Variants in WASF3 observed in about 807,000 individuals in gnomAD.
The protein encoded by WASF3 is WASP family member 3.
In WASF3, 11 loss-of-function variants were observed where a neutral mutation model predicts 46.6. That is an observed-to-expected ratio of 0.24 (90% CI 0.15 to 0.39). WASF3 has a LOEUF of 0.39. Ranked by LOEUF, WASF3 falls within the 10% of genes least tolerant of loss-of-function variation. The probability of loss-of-function intolerance (pLI) is 1.00; values close to 1 mark genes in which losing one functional copy is unlikely to be tolerated. For synonymous variants in WASF3, 242 were observed against 259.7 expected (o/e 0.93, Z 0.65); for missense variants, 576 against 669.8 (o/e 0.86, Z 1.55).
In WASF3 at chr13:26,599,184, C is replaced by CTTTTTTT. The variant is rs57148941; in HGVS notation, c.-108-13766_-108-13760dup. ...GCCTGCCCTGCTCTTCTTTTCATTT[C>CTTTTTTT]TTTTTTTTTTTTTTTTTGAGACGGA... is the stretch of plus-strand genomic sequence containing the variant. On this transcript the variant is annotated intron_variant, in intron 1 of 9. Transcript: ENST00000335327. Among the ~76,000 whole-genome samples, 29 of 118,294 alleles carry CTTTTTTT rather than the reference C, an allele frequency of 2.5e-4. 3 individuals are homozygous for CTTTTTTT. The highest frequency in any genetic ancestry group is 3.5e-4 in the African/African-American group (11 of 31,014). The allele number at this position is 118,294 out of a possible 152,430, so 77.6% of individuals were successfully genotyped here. A position where few individuals can be genotyped will look rare whatever the true frequency, so the allele number is the denominator to read the frequency against.
In WASF3 at chr13:26,682,765, C is replaced by G. The variant is rs141305774; in HGVS notation, c.1142C>G (p.Ala381Gly). ...FPASASSTHAAPPHPPSTGLL... is the reference protein window; with the variant it reads ...FPASASSTHAGPPHPPSTGLL... ...GCATCAGCCAGCTCCACGCACGCAG[C>G]TCCTCCTCACCCACCCTCCACCGGG... Residue 381 changes from alanine (A) to glycine (G), a missense_variant, in exon 9 of 10, where the codon GCT becomes GGT. By Grantham distance (60) the Ala-to-Gly change is moderately conservative. Around this residue, in one of 3 missense-constraint regions of WASF3, gnomAD observed 295 missense variants for 291.5 expected, o/e 1.01. Transcript: ENST00000335327. This position sits in a 1 kb window ranked among gnomAD's most constrained non-coding sequence, Gnocchi z 4.4. The G allele has an allele frequency of 4.1e-3, 6,684 of 1,612,858 alleles. 26 individuals carry two copies. Among genetic ancestry groups the G allele is most frequent in the Non-Finnish European group, 5.3e-3 (6,273 of 1,180,020 alleles).
chr13:26,588,832 C>G (rs1471871356), intron 1 of WASF3, among the ~76,000 whole-genome samples: 6 of 152,156 alleles, frequency 3.9e-5, no homozygotes, highest in Non-Finnish European at 8.8e-5. Context: ...CAGTCTCACT[C>G]TGTCACCCAG....
intron 1 of WASF3, among the ~76,000 whole-genome samples, chr13:26,591,226 G>C (rs535426691): frequency 1.1e-4 from 17 of 152,092 alleles, no homozygotes; most frequent in Admixed American, 2.6e-4. Context: ...TTAGGTCATC[G>C]TAAAGGTTTT....
intron 7 of WASF3, among the ~76,000 whole-genome samples, chr13:26,677,751 T>C (rs1424088553): frequency 6.6e-6 from 1 of 152,226 alleles, no homozygotes; most frequent in Non-Finnish European, 1.5e-5. Context: ...GTGAGTTTAT[T>C]TCTATAGAAA....
rs75344203 is a variant in WASF3, at chr13:26,607,226, T to C, written c.-108-5735T>C. On this transcript the variant is annotated intron_variant, in intron 1 of 9. Transcript: ENST00000335327. The stretch of plus-strand genomic sequence containing the variant: ...GCTTGTGGTGTGGTATTTTTTGATA[T>C]AATGCTTTACGTTTGTGTGATTCAT... 5.4e-3 allele frequency among the ~76,000 whole-genome samples: 824 copies of C among 152,292 alleles called. 12 individuals are homozygous for C. The highest frequency in any genetic ancestry group is 0.019 in the African/African-American group (787 of 41,562).
chr13:26,631,247 A>G (rs915774890), intron 2 of WASF3, among the ~76,000 whole-genome samples: 5 of 152,290 alleles, frequency 3.3e-5, no homozygotes, highest in Admixed American at 6.5e-5. Context: ...GTCCTTGCCC[A>G]TGCCTATGTC....
intron 1 of WASF3, among the ~76,000 whole-genome samples, chr13:26,594,132 G>T (rs982260218): frequency 6.6e-6 from 1 of 151,996 alleles, no homozygotes; most frequent in Non-Finnish European, 1.5e-5. Flanking sequence ...TTTTCAAAGG[G>T]CCTTTTTCTC....
chr13:26,574,213 GTCTC>G (rs758599933), intron 1 of WASF3, among the ~76,000 whole-genome samples: 8 of 152,072 alleles, frequency 5.3e-5, no homozygotes, highest in South Asian at 4.1e-4. Context: ...GTGGAGTGCT[GTCTC>G]TCTCTCTATA....
chr13:26,543,230 C>G, the WASF3 span, among the ~76,000 whole-genome samples: 1 of 152,126 alleles, frequency 6.6e-6, no homozygotes, highest in Non-Finnish European at 1.5e-5. Flanking sequence ...TCCTGCTTTT[C>G]TTTTTGGCTC....
At chr13:26,675,481 TACACACACACACACACACACACAC>T (rs56162218) in intron 6 of WASF3, among the ~76,000 whole-genome samples, 3 of 145,664 alleles carry the variant, frequency 2.1e-5, no homozygotes, top group East Asian at 2.0e-4. Context: ...TAGACACACA[TACACACACACACACACACACACAC>T]ACACACACAC....
chr13:26,625,057 C>T lies in WASF3; in HGVS notation c.-11+11999C>T, dbSNP rs115203161. Among the ~76,000 whole-genome samples, 1,038 of 151,824 alleles carry T rather than the reference C, an allele frequency of 6.8e-3. 14 individuals are homozygous for T. The highest frequency in any genetic ancestry group is 0.024 in the African/African-American group (990 of 41,410). On this transcript the variant is annotated intron_variant, in intron 2 of 9. Transcript: ENST00000335327. Reference sequence around the variant, plus strand: ...GATCTAAACAAAGAAATGAAGAGACCCTGAAATGGTAAAAGAGAATAAATA... The same window carrying T: ...GATCTAAACAAAGAAATGAAGAGACTCTGAAATGGTAAAAGAGAATAAATA...
the WASF3 span, among the ~76,000 whole-genome samples, chr13:26,547,421 CACACA>C: frequency 2.6e-4 from 40 of 151,458 alleles, no homozygotes; most frequent in Non-Finnish European, 4.1e-4. Context: ...CACACACACA[CACACA>C]CCCATCATAT....
chr13:26,555,998 A>G (rs555010863), upstream of WASF3, among the ~76,000 whole-genome samples: 1 of 152,362 alleles, frequency 6.6e-6, no homozygotes, highest in Non-Finnish European at 1.5e-5. Context: ...ATGAACCACA[A>G]CACTAGGAAT....
chr13:26,592,900 T>C (rs1307982863), intron 1 of WASF3, among the ~76,000 whole-genome samples: 3 of 152,240 alleles, frequency 2.0e-5, no homozygotes, highest in Non-Finnish European at 4.4e-5. Flanking sequence ...GTCATTTCTG[T>C]AATGATACAC....
the WASF3 span, among the ~76,000 whole-genome samples, chr13:26,550,256 A>G: frequency 6.6e-6 from 1 of 152,172 alleles, no homozygotes; most frequent in African/African-American, 2.4e-5. Context: ...GACTTATCCT[A>G]TACCTTATTT....
intron 1 of WASF3, among the ~76,000 whole-genome samples, chr13:26,585,067 A>G (rs965878898): frequency 2.0e-5 from 3 of 150,712 alleles, no homozygotes. Flanking sequence ...CCCAAGCAAT[A>G]CTGTGGAATG....
At chr13:26,611,793 A>G (rs1443493449) in intron 1 of WASF3, among the ~76,000 whole-genome samples, 1 of 152,192 alleles carries the variant, frequency 6.6e-6, no homozygotes, top group Non-Finnish European at 1.5e-5. Flanking sequence ...TTAAATAAGT[A>G]AAATAGGATG....
At chr13:26,551,202 G>C in the WASF3 span, among the ~76,000 whole-genome samples, 1 of 152,090 alleles carries the variant, frequency 6.6e-6, no homozygotes, top group Admixed American at 6.5e-5. Flanking sequence ...GTTTCCTGAG[G>C]CCTCTCAGCC....
intron 2 of WASF3, among the ~76,000 whole-genome samples, chr13:26,633,198 T>TTA (rs1225064118): frequency 1.3e-5 from 1 of 79,142 alleles, no homozygotes; most frequent in African/African-American, 5.1e-5. Context: ...TCTTAGTTAT[T>TTA]TCTTTTTTTT....
Sources: allele counts gnomAD v4.1 joint callset (sites outside exome capture counted in the v4.1 genomes callset), GRCh38; gene constraint gnomAD v4.1.1; regional missense constraint gnomAD v4.1.1; non-coding constraint Gnocchi (gnomAD v3.1); transcripts MANE v1.5; gene names NCBI Gene and HGNC (gene_info 2026-07-23, HGNC 2026-07-21).